TMEM71: variants seen among roughly 807,000 people sequenced by gnomAD.
The protein encoded by TMEM71 is transmembrane protein 71.
In TMEM71, 44 loss-of-function variants were observed where a neutral mutation model predicts 38.0. That is an observed-to-expected ratio of 1.16 (90% CI 0.91 to 1.49). The LOEUF (loss-of-function observed/expected upper bound fraction) is 1.49, where lower values mean the gene tolerates loss of function less well. Ranked by LOEUF, TMEM71 falls within the 40% of genes most tolerant of loss-of-function variation. The probability of loss-of-function intolerance (pLI) is 0.00; values close to 1 mark genes in which losing one functional copy is unlikely to be tolerated. For synonymous variants in TMEM71, 133 were observed against 122.5 expected, an observed-to-expected ratio of 1.09 and a Z score of -0.56; for missense variants, 367 against 348.6, an observed-to-expected ratio of 1.05 and a Z score of -0.42.
intron 5 of TMEM71, among the ~76,000 whole-genome samples, chr8:132,741,215 T>G (rs1160405106): frequency 6.6e-6 from 1 of 152,060 alleles, no homozygotes; most frequent in African/African-American, 2.4e-5. Flanking sequence ...ATACAAAAGT[T>G]AGCTGGGTGT....
At chr8:132,721,119 G>A (rs1826817895) in intron 7 of TMEM71, among the ~76,000 whole-genome samples, 1 of 152,220 alleles carries the variant, frequency 6.6e-6, no homozygotes, top group South Asian at 2.1e-4. Context: ...TAAGGTCACA[G>A]GTAATGAGGC....
intron 5 of TMEM71, among the ~76,000 whole-genome samples, chr8:132,732,660 C>G (rs1056079912): frequency 6.6e-6 from 1 of 152,122 alleles, no homozygotes; most frequent in Non-Finnish European, 1.5e-5. Flanking sequence ...TCCCAGTCTC[C>G]CATTCTAGGA....
In TMEM71 at chr8:132,710,650, G is replaced by T. The variant is rs1168502063; in HGVS notation, c.*317C>A. 4 of 500,102 alleles carry T rather than the reference G, an allele frequency of 8.0e-6. No individual in the cohort carries two copies. In the Admixed American group the frequency reaches 1.6e-4, roughly 20 times the overall value. The allele number at this position is 500,102 out of a possible 1,614,324, so 31.0% of individuals were successfully genotyped here. On this transcript the variant is annotated 3_prime_UTR_variant, in exon 10 of 10. Transcript: ENST00000677595. ...TTTCCTAATGAAAATTCAAGCTCGA[G>T]AACCACTGCCTTAAAGAATCATAGG...
At chr8:132,724,393 G>T (rs919368569) in intron 6 of TMEM71, among the ~76,000 whole-genome samples, 1 of 152,010 alleles carries the variant, frequency 6.6e-6, no homozygotes, top group Non-Finnish European at 1.5e-5. Context: ...TTTTCCTAGG[G>T]TCTTAATATT....
chr8:132,765,280 G>A (rs972235287), upstream of TMEM71, among the ~76,000 whole-genome samples: 1 of 152,162 alleles, frequency 6.6e-6, no homozygotes, highest in African/African-American at 2.4e-5. Context: ...GAAGGTCCCC[G>A]AAAGTTAGAC....
chr8:132,716,462 C>A (rs1826540084), intron 7 of TMEM71, among the ~76,000 whole-genome samples: 1 of 152,176 alleles, frequency 6.6e-6, no homozygotes. Flanking sequence ...CCAGTCAGAC[C>A]TAACACCCCC....
At position 132,756,422 on chromosome 8, in the gene TMEM71, T is replaced by TATATATATATATA. The variant is rs1829018279; in HGVS notation, c.101+799_101+811dup. Among the ~76,000 whole-genome samples the TATATATATATATA allele has an allele frequency of 2.1e-5, 3 of 142,268 alleles. 1 individual carries two copies. The highest frequency in any genetic ancestry group is 2.1e-4 in the Admixed American group (3 of 14,268). The allele number at this position is 142,268 out of a possible 152,430, so 93.3% of individuals were successfully genotyped here. On this transcript the variant is annotated intron_variant, in intron 3 of 9. Transcript: ENST00000677595. ...CACTAACATATATATTATATATATATATATATATATATATATATATTCATT... is the reference window on the plus strand; with the variant it reads ...CACTAACATATATATTATATATATATATATATATATATAATATATATATATATATATATTCATT...
intron 3 of TMEM71, among the ~76,000 whole-genome samples, chr8:132,755,290 A>G (rs1422797619): frequency 6.6e-6 from 1 of 152,152 alleles, no homozygotes; most frequent in Non-Finnish European, 1.5e-5. Context: ...CAACACCTGG[A>G]TCATAGTTTA....
At chr8:132,732,807 T>C (rs955602499) in intron 5 of TMEM71, among the ~76,000 whole-genome samples, 1 of 152,042 alleles carries the variant, frequency 6.6e-6, no homozygotes, top group Non-Finnish European at 1.5e-5. Flanking sequence ...TGGAGTGAGG[T>C]GAGGGGTGTT....
At chr8:132,774,195 G>A in the TMEM71 span, among the ~76,000 whole-genome samples, 149 of 152,294 alleles carry the variant, frequency 9.8e-4, 1 homozygote, top group African/African-American at 3.5e-3. Flanking sequence ...ATGTCCTAAG[G>A]AAGATGCTAC....
At chr8:132,740,735 C>T (rs889927965) in intron 5 of TMEM71, among the ~76,000 whole-genome samples, 4 of 152,224 alleles carry the variant, frequency 2.6e-5, no homozygotes, top group African/African-American at 9.7e-5. Flanking sequence ...ACCAGCCACA[C>T]GGACCTTTGA....
the TMEM71 span, chr8:132,775,616 C>T: frequency 5.8e-4 from 198 of 343,650 alleles, 1 homozygote; most frequent in African/African-American, 4.0e-3. Context: ...CCGGACGGCC[C>T]GGCTGCTGTG....
Position 132,747,108 on chromosome 8 carries a change from A to G in TMEM71, c.321T>C (p.Phe107=), listed in dbSNP as rs905378222. 2 of 1,600,378 alleles carry G rather than the reference A, an allele frequency of 1.2e-6. No homozygotes were observed. Among genetic ancestry groups the G allele is most frequent in the Non-Finnish European group, 1.7e-6 (2 of 1,174,626 alleles). ...VMYKENLVRI[F]RKKKRICHSF... ...AATGGCAGATTCTCTTTTTCTTTCTAAATATCCTAGAGAGAAATGAAAGCA... is the reference window on the plus strand; with the variant it reads ...AATGGCAGATTCTCTTTTTCTTTCTGAATATCCTAGAGAGAAATGAAAGCA... Residue 107 remains phenylalanine, a synonymous_variant, in exon 5 of 10, where the codon TTT becomes TTC. Transcript: ENST00000677595.
At chr8:132,715,534 A>C (rs1426672349) in intron 7 of TMEM71, among the ~76,000 whole-genome samples, 1 of 152,128 alleles carries the variant, frequency 6.6e-6, no homozygotes. Context: ...CTTGCTTACA[A>C]ATTTAAACTT....
At position 132,731,856 on chromosome 8, in the gene TMEM71, G is replaced by T. The variant is rs567057918; in HGVS notation, c.488-3870C>A. ...CTTTCTCTGCCTTGATTGCTGTCAT[G>T]GAATGTCTGGAACATAAAATGACTA... On this transcript the variant is annotated intron_variant, in intron 5 of 9. Coordinates refer to ENST00000677595, the MANE Select transcript of TMEM71 (RefSeq NM_001382403.1). Among the ~76,000 whole-genome samples the T allele has an allele frequency of 1.6e-4, 25 of 152,302 alleles. No individual in the cohort carries two copies. In the South Asian group the frequency reaches 5.2e-3, roughly 32 times the overall value.
intron 5 of TMEM71, among the ~76,000 whole-genome samples, chr8:132,742,934 A>G (rs1828127729): frequency 6.6e-6 from 1 of 152,224 alleles, no homozygotes; most frequent in African/African-American, 2.4e-5. Flanking sequence ...CACGTCTTAC[A>G]TGGATGGCAG....
At chr8:132,743,698 A>T (rs1828179522) in intron 5 of TMEM71, among the ~76,000 whole-genome samples, 1 of 152,152 alleles carries the variant, frequency 6.6e-6, no homozygotes, top group South Asian at 2.1e-4. Context: ...TGACTCCCAG[A>T]TGTATAACTT....
At chr8:132,772,804 G>A in the TMEM71 span, among the ~76,000 whole-genome samples, 4 of 152,114 alleles carry the variant, frequency 2.6e-5, no homozygotes, top group Non-Finnish European at 5.9e-5. Context: ...AAGTAGTGAG[G>A]TGCTTGTATC....
At chr8:132,739,951 A>T (rs2472223) in intron 5 of TMEM71, among the ~76,000 whole-genome samples, 46,880 of 151,888 alleles carry the variant, frequency 0.31, 7,430 homozygotes, top group Non-Finnish European at 0.33. Context: ...CCTGAATCAC[A>T]CCAATAGCCT....
Sources: allele counts gnomAD v4.1 joint callset (sites outside exome capture counted in the v4.1 genomes callset), GRCh38; gene constraint gnomAD v4.1.1; transcripts MANE v1.5; gene names NCBI Gene and HGNC (gene_info 2026-07-23, HGNC 2026-07-21).